MARCHF5: variants seen among roughly 807,000 people sequenced by gnomAD.
The protein encoded by MARCHF5 is E3 ubiquitin-protein ligase MARCHF5.
Under a neutral mutation model 36.5 loss-of-function variants are expected in MARCHF5, and 5 were observed. The ratio of observed to expected loss-of-function variants is 0.14; its 90% CI spans 0.07 to 0.29. MARCHF5 has a LOEUF of 0.29. MARCHF5 is among the 10% of genes least tolerant of loss of function. The pLI, the probability that MARCHF5 is intolerant of heterozygous loss-of-function variation, is 1.00. For synonymous variants in MARCHF5, 103 were observed against 109.9 expected (o/e 0.94, Z 0.39); for missense variants, 179 against 336.3 (o/e 0.53, Z 3.66).
At chr10:92,329,671 TA>T (rs1175949792) in intron 2 of MARCHF5, among the ~76,000 whole-genome samples, 3 of 152,236 alleles carry the variant, frequency 2.0e-5, no homozygotes, top group Non-Finnish European at 2.9e-5. Context: ...TTCATATTAA[TA>T]AAAGTTTCTA....
chr10:92,305,168 G>A (rs766970649), intron 1 of MARCHF5, among the ~76,000 whole-genome samples: 4 of 152,136 alleles, frequency 2.6e-5, no homozygotes, highest in Non-Finnish European at 4.4e-5. Context: ...CAGCACTTTG[G>A]GAGGCCTAAG....
rs751681752 is a variant in MARCHF5 at position 92,311,240 on chromosome 10, A to G, written c.141A>G (p.Leu47=). The G allele has an allele frequency of 5.4e-5, 87 of 1,614,024 alleles. No individual in the cohort carries two copies. The highest frequency in any genetic ancestry group is 7.0e-5 in the Non-Finnish European group (83 of 1,180,002). ...CAAAATGGGTTCACCAGGCCTGTCT[A>G]CAACGCTGGGTGGATGAAAAGCAAA... The part of the protein sequence containing the change: ...GSTKWVHQAC[L]QRWVDEKQRG... Residue 47 remains leucine (L), a synonymous_variant, in exon 2 of 6, where the codon CTA becomes CTG. Transcript: ENST00000358935.
At chr10:92,316,342 C>G (rs1022699771) in intron 2 of MARCHF5, among the ~76,000 whole-genome samples, 7 of 152,096 alleles carry the variant, frequency 4.6e-5, no homozygotes, top group Admixed American at 4.6e-4. Flanking sequence ...GAGGATTCGT[C>G]AGAGTTTTAT....
intron 1 of MARCHF5, among the ~76,000 whole-genome samples, chr10:92,293,919 A>G (rs1239112222): frequency 6.6e-6 from 1 of 152,210 alleles, no homozygotes; most frequent in Non-Finnish European, 1.5e-5. Context: ...CTCTTTTGAC[A>G]TACCTTAAGG....
rs1590672810 is a variant in MARCHF5 at position 92,353,397 on chromosome 10, TTCTC to T, written c.*2193_*2196del. On this transcript the variant is annotated 3_prime_UTR_variant, in exon 6 of 6. Transcript: ENST00000358935. The stretch of plus-strand genomic sequence containing the variant: ...ATGATTTTGGCTAAAGGATTTGACT[TTCTC>T]TCAACTGCAGTTTTCTTAATCTTTG... 3 of 152,188 alleles carry T rather than the reference TTCTC, an allele frequency of 2.0e-5. No homozygotes were observed. Among genetic ancestry groups the T allele is most frequent in the Admixed American group, 2.0e-4 (3 of 15,270 alleles). 9.4% of individuals were successfully genotyped at this position (152,188 alleles called of 1,614,324 possible). A position where few individuals can be genotyped will look rare whatever the true frequency, so the allele number is the denominator to read the frequency against.
At chr10:92,350,494 G>A (rs1391844171) in intron 5 of MARCHF5, among the ~76,000 whole-genome samples, 1 of 152,220 alleles carries the variant, frequency 6.6e-6, no homozygotes, top group Admixed American at 6.5e-5. Context: ...ATAGTGAGAA[G>A]CAGGGGTGAT....
At chr10:92,321,167 C>G (rs572644967) in intron 2 of MARCHF5, among the ~76,000 whole-genome samples, 20 of 152,064 alleles carry the variant, frequency 1.3e-4, no homozygotes, top group Non-Finnish European at 2.8e-4. Flanking sequence ...GTGCACAAAA[C>G]TACAAAATGG....
Position 92,349,384 on chromosome 10 carries a change from G to A in MARCHF5, c.405G>A (p.Glu135=). 6.2e-7 allele frequency: 1 copy of A among 1,613,884 alleles called. No homozygotes were observed. The highest frequency in any genetic ancestry group is 1.1e-5 in the South Asian group (1 of 91,020). ...ATAAAGAAGGTCTGGATGTTATGGA[G>A]AGAGCTGATCCTTTATTCCTTTTAA... is the stretch of plus-strand genomic sequence containing the variant. ...VGHKEGLDVM[E]RADPLFLLIG... The change falls in exon 4 of 6, where the codon GAG becomes GAA. Residue 135 remains glutamate, a synonymous_variant. Coordinates refer to ENST00000358935, the MANE Select transcript of MARCHF5 (RefSeq NM_017824.5).
chr10:92,318,426 CAAAA>C (rs397845333), intron 2 of MARCHF5, among the ~76,000 whole-genome samples: 4 of 124,590 alleles, frequency 3.2e-5, no homozygotes, highest in South Asian at 2.9e-4. Flanking sequence ...GACCCTGTCT[CAAAA>C]AAAAAAAAAA....
Position 92,320,699 on chromosome 10 carries a change from A to C in MARCHF5, c.238+9362A>C, listed in dbSNP as rs371583893. Reference sequence around the variant, plus strand: ...TAAAAAATTTTTCGCACAACTGTACAATATGTGTTTTAAGCTGTTAATACA... The same window carrying C: ...TAAAAAATTTTTCGCACAACTGTACCATATGTGTTTTAAGCTGTTAATACA... On this transcript the variant is annotated intron_variant, in intron 2 of 5. Transcript: ENST00000358935. 1.1e-4 allele frequency among the ~76,000 whole-genome samples: 16 copies of C among 151,878 alleles called. No homozygotes were observed. The East Asian group carries it at 1.4e-3, about 13-fold the overall frequency.
At chr10:92,343,631 G>A (rs568892529) in intron 3 of MARCHF5, among the ~76,000 whole-genome samples, 60 of 152,160 alleles carry the variant, frequency 3.9e-4, no homozygotes, top group African/African-American at 1.2e-3. Context: ...GTACGGTGGC[G>A]TGATCTCAGC....
chr10:92,329,433 T>G (rs555014351), intron 2 of MARCHF5, among the ~76,000 whole-genome samples: 1 of 152,344 alleles, frequency 6.6e-6, no homozygotes, highest in Admixed American at 6.5e-5. Flanking sequence ...TCCCCAAACT[T>G]AAAACTTCAT....
intron 2 of MARCHF5, among the ~76,000 whole-genome samples, chr10:92,325,813 G>A (rs926106761): frequency 6.6e-6 from 1 of 152,112 alleles, no homozygotes; most frequent in Admixed American, 6.5e-5. Flanking sequence ...GAGTAGCTGG[G>A]ATTACAGGTG....
rs561402345 is a variant in MARCHF5 at position 92,298,762 on chromosome 10, C to G, written c.35+7233C>G. 6.6e-5 allele frequency among the ~76,000 whole-genome samples: 10 copies of G among 152,256 alleles called. No individual in the cohort carries two copies. In the South Asian group the frequency reaches 2.1e-3, roughly 32 times the overall value. On this transcript the variant is annotated intron_variant, in intron 1 of 5. Coordinates refer to ENST00000358935, the MANE Select transcript of MARCHF5 (RefSeq NM_017824.5). ...ATTTTTAGTAGAGACGGGCTTTCGC[C>G]GTGTTGCCCAGGCTGGTCTCAAACT...
At chr10:92,306,178 A>G (rs1259846340) in intron 1 of MARCHF5, among the ~76,000 whole-genome samples, 1 of 152,178 alleles carries the variant, frequency 6.6e-6, no homozygotes, top group Non-Finnish European at 1.5e-5. Context: ...TGGATTCTTA[A>G]GGCTCCACTT....
At chr10:92,329,834 A>C (rs1843415649) in intron 2 of MARCHF5, among the ~76,000 whole-genome samples, 2 of 152,220 alleles carry the variant, frequency 1.3e-5, no homozygotes, top group African/African-American at 4.8e-5. Context: ...GTCAAAGTTT[A>C]TAGTTAGAGA....
chr10:92,293,674 C>G (rs1842917821), intron 1 of MARCHF5, among the ~76,000 whole-genome samples: 1 of 148,984 alleles, frequency 6.7e-6, no homozygotes, highest in South Asian at 2.2e-4. Flanking sequence ...TTCCAACTCT[C>G]GGGAGGCTGA....
rs1212597437 is a variant in MARCHF5, at chr10:92,353,390, T to C, written c.*2183T>C. On this transcript the variant is annotated 3_prime_UTR_variant, in exon 6 of 6. Coordinates refer to ENST00000358935, the MANE Select transcript of MARCHF5 (RefSeq NM_017824.5). The stretch of plus-strand genomic sequence containing the variant: ...TGTATGTATGATTTTGGCTAAAGGA[T>C]TTGACTTTCTCTCAACTGCAGTTTT... The C allele has an allele frequency of 6.6e-6, 1 of 152,224 alleles. No homozygotes were observed. Among genetic ancestry groups the C allele is most frequent in the Non-Finnish European group, 1.5e-5 (1 of 68,040 alleles). The allele number at this position is 152,224 out of a possible 1,614,324, so 9.4% of individuals were successfully genotyped here.
intron 2 of MARCHF5, among the ~76,000 whole-genome samples, chr10:92,338,915 C>T (rs1488453372): frequency 6.6e-6 from 1 of 152,074 alleles, no homozygotes; most frequent in Non-Finnish European, 1.5e-5. Context: ...GTAGCTCACA[C>T]ACACCTGTAA....
Sources: gnomAD v4.1 joint callset for allele counts (sites outside exome capture counted in the v4.1 genomes callset) on GRCh38, gnomAD v4.1.1 for gene constraint, MANE v1.5 for transcripts, NCBI Gene and HGNC (gene_info 2026-07-23, HGNC 2026-07-21) for gene names.